SCUBE1: variants seen among roughly 807,000 people sequenced by gnomAD.
The protein encoded by SCUBE1 is signal peptide, CUB and EGF-like domain-containing protein 1.
SCUBE1 carries 59 observed loss-of-function variants against 124.4 expected under a neutral mutation model. That is an observed-to-expected ratio of 0.47 (90% CI 0.38 to 0.59). SCUBE1 has a LOEUF of 0.59. SCUBE1 is among the 20% of genes least tolerant of loss of function. The pLI is 0.00. For synonymous variants in SCUBE1, 545 were observed against 550.9 expected, an observed-to-expected ratio of 0.99 and a Z score of 0.15; for missense variants, 1,150 against 1,371.2, an observed-to-expected ratio of 0.84 and a Z score of 2.55.
At chr22:43,342,708 G>T (rs1400006104) in intron 1 of SCUBE1, among the ~76,000 whole-genome samples, 1 of 151,768 alleles carries the variant, frequency 6.6e-6, no homozygotes, top group Non-Finnish European at 1.5e-5. Context: ...CCTCGGCGCC[G>T]GCTCTTCTGT....
intron 2 of SCUBE1, among the ~76,000 whole-genome samples, chr22:43,335,869 T>C (rs1456498041): frequency 6.6e-6 from 1 of 151,734 alleles, no homozygotes; most frequent in Non-Finnish European, 1.5e-5. Context: ...ATGATGGTGA[T>C]GGTGATGATG....
intron 3 of SCUBE1, among the ~76,000 whole-genome samples, chr22:43,304,867 C>A (rs945479368): frequency 1.3e-5 from 2 of 152,120 alleles, no homozygotes; most frequent in Non-Finnish European, 2.9e-5. Context: ...CCTTTGCACA[C>A]CCCTAGTATT....
At chr22:43,212,148 A>G (rs34961274) in intron 17 of SCUBE1, among the ~76,000 whole-genome samples, 5,687 of 148,308 alleles carry the variant, frequency 0.038, 124 homozygotes, top group South Asian at 0.059. Context: ...CCTCCCTTCT[A>G]GATGCTGCTC....
At chr22:43,217,448 T>C (rs1351968983) in intron 15 of SCUBE1, among the ~76,000 whole-genome samples, 1 of 151,748 alleles carries the variant, frequency 6.6e-6, no homozygotes, top group Non-Finnish European at 1.5e-5. Flanking sequence ...CTTGGAGTCG[T>C]CCTTGAAGTC....
At chr22:43,289,069 G>C (rs1925257478) in intron 4 of SCUBE1, among the ~76,000 whole-genome samples, 1 of 152,226 alleles carries the variant, frequency 6.6e-6, no homozygotes, top group African/African-American at 2.4e-5. Context: ...TCCACCTGGA[G>C]TCCTGCTGGG....
At chr22:43,233,955 C>A (rs988911710) in intron 7 of SCUBE1, among the ~76,000 whole-genome samples, 2 of 151,738 alleles carry the variant, frequency 1.3e-5, no homozygotes, top group Non-Finnish European at 2.9e-5. Context: ...TCAAAACAAC[C>A]CAGACAGCAG....
At chr22:43,224,621 T>G (rs774498734) in intron 10 of SCUBE1, among the ~76,000 whole-genome samples, 1 of 152,156 alleles carries the variant, frequency 6.6e-6, no homozygotes, top group Non-Finnish European at 1.5e-5. Flanking sequence ...AGGGCTTTCC[T>G]TGGGTCCCTT....
intron 2 of SCUBE1, among the ~76,000 whole-genome samples, chr22:43,330,064 A>G (rs930686501): frequency 1.3e-5 from 2 of 148,384 alleles, no homozygotes; most frequent in East Asian, 2.0e-4. Context: ...GAATTAGAGA[A>G]AAAAAAAAAA....
At position 43,254,365 on chromosome 22, in the gene SCUBE1, G is replaced by A. The variant is rs982002922; in HGVS notation, c.727+3854C>T. ...TGAAGCCTCCTCAGCAGCACACAAGGCCATATCCCCTGTGGCCCTGGACCT... is the reference window on the plus strand; with the variant it reads ...TGAAGCCTCCTCAGCAGCACACAAGACCATATCCCCTGTGGCCCTGGACCT... On this transcript the variant is annotated intron_variant, in intron 6 of 21. Coordinates refer to ENST00000360835, the MANE Select transcript of SCUBE1 (RefSeq NM_173050.5). 3.3e-5 allele frequency among the ~76,000 whole-genome samples: 5 copies of A among 152,128 alleles called. No homozygotes were observed. In the South Asian group the frequency reaches 8.3e-4, roughly 25 times the overall value.
Position 43,214,162 on chromosome 22 carries a change from G to A in SCUBE1, c.1981C>T (p.Leu661Phe). The A allele has an allele frequency of 6.2e-7, 1 of 1,612,930 alleles. No homozygotes were observed. Among genetic ancestry groups the A allele is most frequent in the Non-Finnish European group, 8.5e-7 (1 of 1,179,892 alleles). ...CTGCTGGGGCACGGTGTGCAACTGA[G>A]CTGGCCTTCCATGTCCTGGTATGTT... Reference protein sequence around the residue: ...PGTYQDMEGQLSCTPCPSSDG... With the variant: ...PGTYQDMEGQFSCTPCPSSDG... The change falls in exon 16 of 22, where the codon CTC becomes TTC. Residue 661 changes from leucine (L) to phenylalanine (F), a missense_variant. By Grantham distance (22) the Leu-to-Phe change is conservative (BLOSUM62 0). Around this residue, in one of 3 missense-constraint regions of SCUBE1, gnomAD observed 757 missense variants for 840.9 expected, o/e 0.90. Coordinates refer to ENST00000360835, the MANE Select transcript of SCUBE1 (RefSeq NM_173050.5).
At chr22:43,238,557 G>T in intron 7 of SCUBE1, 2 of 600,704 alleles carry the variant, frequency 3.3e-6, no homozygotes, top group Non-Finnish European at 3.0e-6. Flanking sequence ...TTAACCCAGC[G>T]TGCAGCCAAA....
intron 6 of SCUBE1, among the ~76,000 whole-genome samples, chr22:43,242,168 G>A (rs1478464441): frequency 6.6e-6 from 1 of 152,232 alleles, no homozygotes; most frequent in Admixed American, 6.5e-5. Context: ...CAGGACAGGC[G>A]GGCCTGGTGG....
chr22:43,207,483 A>ACAGGCCCCATCC (rs1282224503), intron 21 of SCUBE1, 51 bp downstream of exon 21: 1 of 1,435,850 alleles, frequency 7.0e-7, no homozygotes, highest in Non-Finnish European at 9.8e-7. Flanking sequence ...CTGGCTCATC[A>ACAGGCCCCATCC]CAGGCCCCAT....
At chr22:43,214,049 C>CCCCCCCCCCCCCCCCCCCCCCCCCCT in intron 16 of SCUBE1, 41 bp downstream of exon 16, 1 of 261,134 alleles carries the variant, frequency 3.8e-6, no homozygotes, top group South Asian at 3.0e-5. Flanking sequence ...GAGCCCCCGC[C>CCCCCCCCCCCCCCCCCCCCCCCCCCT]CACCCCCCAC....
At chr22:43,219,621 C>G (rs530552462) in intron 14 of SCUBE1, among the ~76,000 whole-genome samples, 75 of 151,634 alleles carry the variant, frequency 4.9e-4, no homozygotes, top group South Asian at 2.7e-3. Flanking sequence ...TTACAGGTGC[C>G]TGCCACCACA....
chr22:43,249,383 G>T (rs576473820), intron 6 of SCUBE1, among the ~76,000 whole-genome samples: 57 of 152,258 alleles, frequency 3.7e-4, no homozygotes, highest in Non-Finnish European at 6.5e-4. Flanking sequence ...CACATGTCCC[G>T]ATGAGAAGTG....
chr22:43,252,006 C>T, intron 6 of SCUBE1, among the ~76,000 whole-genome samples: 1 of 152,206 alleles, frequency 6.6e-6, no homozygotes, highest in East Asian at 1.9e-4. Flanking sequence ...GTAAGTCTCC[C>T]AGATAATTGA....
At chr22:43,220,055 G>C (rs1922023799) in intron 14 of SCUBE1, among the ~76,000 whole-genome samples, 1 of 152,202 alleles carries the variant, frequency 6.6e-6, no homozygotes, top group Non-Finnish European at 1.5e-5. Context: ...GCAAAGTGCT[G>C]CTGTGACACC....
intron 14 of SCUBE1, 78 bp downstream of exon 14, chr22:43,220,372 G>C: frequency 6.6e-7 from 1 of 1,517,570 alleles, no homozygotes; most frequent in Non-Finnish European, 9.0e-7. Flanking sequence ...CTTCATGCCT[G>C]GCAGGCCCCC....
Sources: allele counts gnomAD v4.1 joint callset (sites outside exome capture counted in the v4.1 genomes callset), GRCh38; gene constraint gnomAD v4.1.1; regional missense constraint gnomAD v4.1.1; transcripts MANE v1.5; gene names NCBI Gene and HGNC (gene_info 2026-07-23, HGNC 2026-07-21).